MEF2C: variants seen among roughly 807,000 people sequenced by gnomAD.
MEF2C encodes the protein myocyte enhancer factor 2C.
Under a neutral mutation model 50.5 loss-of-function variants are expected in MEF2C, and 6 were observed. The ratio of observed to expected loss-of-function variants is 0.12; its 90% CI spans 0.07 to 0.23. The LOEUF is 0.23. Ranked by LOEUF, MEF2C falls within the 10% of genes least tolerant of loss-of-function variation. The pLI, the probability that MEF2C is intolerant of heterozygous loss-of-function variation, is 1.00. For missense variants in MEF2C, 276 were observed against 605.0 expected (o/e 0.46, Z 5.70); for synonymous variants, 183 against 228.0 (o/e 0.80, Z 1.78).
intron 1 of MEF2C, among the ~76,000 whole-genome samples, chr5:88,831,267 T>G (rs1479298090): frequency 6.6e-6 from 1 of 152,086 alleles, no homozygotes; most frequent in South Asian, 2.1e-4. Context: ...TGTCGAAATG[T>G]GTAAATAAAA....
chr5:88,723,566 A>G (rs2152064349), intron 10 of MEF2C, among the ~76,000 whole-genome samples: 1 of 152,356 alleles, frequency 6.6e-6, no homozygotes, highest in East Asian at 1.9e-4. Context: ...TTATCTGCAG[A>G]AAGTTTAAAC....
chr5:88,815,468 TTTA>T (rs1804884319), intron 2 of MEF2C, among the ~76,000 whole-genome samples: 1 of 152,124 alleles, frequency 6.6e-6, no homozygotes, highest in Non-Finnish European at 1.5e-5. Flanking sequence ...ACTGTTCCAA[TTTA>T]AAATTAAAAG....
chr5:88,752,525 TTAA>T (rs1465435915), intron 4 of MEF2C: 1 of 831,584 alleles, frequency 1.2e-6, no homozygotes, highest in Non-Finnish European at 1.5e-6. Context: ...CACATATACC[TTAA>T]TTATCATTTT....
At chr5:88,859,320 T>C (rs1363830383) in intron 1 of MEF2C, among the ~76,000 whole-genome samples, 1 of 152,220 alleles carries the variant, frequency 6.6e-6, no homozygotes, top group Non-Finnish European at 1.5e-5. Context: ...GAGTCTTTAC[T>C]CAAAAGCAAG....
At chr5:88,835,910 A>ACCTTATGTTTT (rs1814910557) in intron 1 of MEF2C, among the ~76,000 whole-genome samples, 1 of 152,106 alleles carries the variant, frequency 6.6e-6, no homozygotes, top group African/African-American at 2.4e-5. Context: ...TGTGAAACAG[A>ACCTTATGTTTT]AATGCCTAAT....
rs1809667141 is a variant in MEF2C at position 88,823,876 on chromosome 5, T to C, written c.-88A>G. 1 of 1,587,358 alleles carries C rather than the reference T, an allele frequency of 6.3e-7. No homozygotes were observed. The highest frequency in any genetic ancestry group is 1.4e-5 in the African/African-American group (1 of 73,682). On this transcript the variant is annotated 5_prime_UTR_variant, in exon 2 of 11. Coordinates refer to ENST00000504921, the MANE Select transcript of MEF2C (RefSeq NM_002397.5). ...CTCTTTCCTGTTTCCTCCAAACAAA[T>C]CTCCTTCTTCAGCACTTGCACAGCT... is the stretch of plus-strand genomic sequence containing the variant.
chr5:88,829,661 C>T (rs1206412049), intron 1 of MEF2C, among the ~76,000 whole-genome samples: 2 of 151,958 alleles, frequency 1.3e-5, no homozygotes, highest in Non-Finnish European at 2.9e-5. Flanking sequence ...CTTAATACTT[C>T]GCCATATTTA....
upstream of MEF2C, among the ~76,000 whole-genome samples, chr5:88,885,661 T>C (rs533878903): frequency 1.3e-5 from 2 of 152,344 alleles, no homozygotes; most frequent in South Asian, 4.1e-4. Flanking sequence ...CTAAGATATG[T>C]CTATATATGG....
intron 4 of MEF2C, among the ~76,000 whole-genome samples, chr5:88,753,322 G>C (rs1371863739): frequency 6.6e-6 from 1 of 151,950 alleles, no homozygotes; most frequent in African/African-American, 2.4e-5. Context: ...AACAGCAAAT[G>C]CTTTACATTC....
intron 1 of MEF2C, among the ~76,000 whole-genome samples, chr5:88,865,633 A>G (rs145276807): frequency 3.7e-4 from 57 of 152,310 alleles, no homozygotes; most frequent in African/African-American, 1.3e-3. Flanking sequence ...CGTGCTTTAC[A>G]GTTAGAAGAT....
At chr5:88,732,022 A>G (rs1761895331) in intron 6 of MEF2C, 121 bp from the exon 7 acceptor site, 1 of 880,686 alleles carries the variant, frequency 1.1e-6, no homozygotes, top group Non-Finnish European at 1.7e-6. Context: ...GCAAAACCAT[A>G]GGATGACTGA....
Position 88,774,448 on chromosome 5 carries a change from G to A in MEF2C, c.259-13120C>T, listed in dbSNP as rs559695068. ...GGCCATTCTCCCGCCTCAGCTTCCC[G>A]AGTAGCTGGGACTACAGGCGCCCGC... On this transcript the variant is annotated intron_variant, in intron 3 of 10. Coordinates refer to ENST00000504921, the MANE Select transcript of MEF2C (RefSeq NM_002397.5). 4.5e-3 allele frequency among the ~76,000 whole-genome samples: 687 copies of A among 151,032 alleles called. 6 individuals carry two copies. The highest frequency in any genetic ancestry group is 0.016 in the African/African-American group (656 of 41,146).
At chr5:88,857,439 A>G (rs1164885368) in intron 1 of MEF2C, among the ~76,000 whole-genome samples, 1 of 152,136 alleles carries the variant, frequency 6.6e-6, no homozygotes, top group African/African-American at 2.4e-5. Flanking sequence ...ATGAGCTAAG[A>G]CTTTGGGGGA....
intron 2 of MEF2C, among the ~76,000 whole-genome samples, chr5:88,814,546 C>T (rs165944): frequency 0.82 from 124,248 of 151,872 alleles, 51,389 homozygotes; most frequent in African/African-American, 0.95. Context: ...CGCTGAAATA[C>T]AGTAGTATTT....
At chr5:88,897,311 C>T (rs1041488417) in intron 1 of MEF2C, among the ~76,000 whole-genome samples, 10 of 152,178 alleles carry the variant, frequency 6.6e-5, no homozygotes, top group African/African-American at 2.4e-4. Flanking sequence ...CTTACGTAGC[C>T]GTGAGATTCT....
At chr5:88,892,592 T>A (rs908901274) in intron 1 of MEF2C, among the ~76,000 whole-genome samples, 1 of 152,190 alleles carries the variant, frequency 6.6e-6, no homozygotes, top group Non-Finnish European at 1.5e-5. Flanking sequence ...AGAGGTAAAA[T>A]GTTTTAAAAT....
intron 3 of MEF2C, chr5:88,781,933 A>C (rs1788284629): frequency 5.7e-6 from 1 of 175,378 alleles, no homozygotes. Context: ...AGATCGTGCC[A>C]TTGTACTCCA....
intron 1 of MEF2C, among the ~76,000 whole-genome samples, chr5:88,899,642 G>A (rs144292145): frequency 1.7e-3 from 259 of 152,146 alleles, no homozygotes; most frequent in African/African-American, 6.0e-3. Flanking sequence ...AGCAGATACC[G>A]GACAAGTCAC....
At chr5:88,804,532 T>C in intron 3 of MEF2C, 66 bp downstream of exon 3, 1 of 1,382,328 alleles carries the variant, frequency 7.2e-7, no homozygotes, top group South Asian at 1.2e-5. Context: ...TATGTGTGTG[T>C]GGCAGGGGGA....
Sources: gnomAD v4.1 joint callset for allele counts (sites outside exome capture counted in the v4.1 genomes callset) on GRCh38, gnomAD v4.1.1 for gene constraint, MANE v1.5 for transcripts, NCBI Gene and HGNC (gene_info 2026-07-23, HGNC 2026-07-21) for gene names.